EPHA10: variants seen among roughly 807,000 people sequenced by gnomAD.
The protein encoded by EPHA10 is EPH receptor A10, also known as ephrin type-A receptor 10.
EPHA10 carries 120 observed loss-of-function variants against 109.7 expected under a neutral mutation model. The ratio of observed to expected loss-of-function variants is 1.09; its 90% CI spans 0.94 to 1.27. The LOEUF (loss-of-function observed/expected upper bound fraction) is 1.27, where lower values mean the gene tolerates loss of function less well. Ranked by LOEUF, EPHA10 falls within the 50% of genes most tolerant of loss-of-function variation. EPHA10 has a pLI of 0.00. For missense variants in EPHA10, 1,396 were observed against 1,411.1 expected (o/e 0.99, Z 0.17); for synonymous variants, 640 against 618.9 (o/e 1.03, Z -0.51).
At position 37,718,814 on chromosome 1, in the gene EPHA10, G is replaced by A; in HGVS notation, c.2759C>T (p.Pro920Leu). The part of the protein sequence containing the change: ...PKCALTTCPR[P>L]PTPLADRAFS... ...GGCACGGTCCGCTAGTGGGGTGGGA[G>A]GCCTGCGGGTCAGAGGAGCTGTGCT... Residue 920 changes from proline to leucine, a missense_variant and splice_region_variant, in exon 16 of 17, where the codon CCT (proline) becomes CTT (leucine). By Grantham distance (98) the Pro-to-Leu change is moderately conservative. Coordinates refer to ENST00000373048, the MANE Select transcript of EPHA10 (RefSeq NM_001099439.2). 1 of 1,609,888 alleles carries A rather than the reference G, an allele frequency of 6.2e-7. No homozygotes were observed. Among genetic ancestry groups the A allele is most frequent in the African/African-American group, 1.3e-5 (1 of 75,024 alleles).
chr1:37,718,653 G>A lies in EPHA10; in HGVS notation c.2912+8C>T, dbSNP rs753016640. ...GCCCCGGCCTTGACCTTGGTGCCTT[G>A]GACTCACTGGGCAGTCATCTCGGCC... On this transcript the variant is annotated splice_region_variant and intron_variant, in intron 16 of 16. Transcript: ENST00000373048. 2 of 1,613,158 alleles carry A rather than the reference G, an allele frequency of 1.2e-6. No individual in the cohort carries two copies. Among genetic ancestry groups the A allele is most frequent in the African/African-American group, 1.3e-5 (1 of 75,074 alleles).
chr1:37,728,281 G>A (rs1227029946), intron 7 of EPHA10, among the ~76,000 whole-genome samples: 1 of 152,156 alleles, frequency 6.6e-6, no homozygotes, highest in Non-Finnish European at 1.5e-5. Flanking sequence ...AACCTGGAGG[G>A]CCTTGAACGC....
chr1:37,723,482 C>T, intron 8 of EPHA10, 110 bp from the exon 9 acceptor site: 1 of 1,237,244 alleles, frequency 8.1e-7, no homozygotes, highest in Non-Finnish European at 1.1e-6. Context: ...GGCCTGTGCC[C>T]TGGGGGAGGG....
rs1557556342 is a variant in EPHA10, at chr1:37,752,976, C to A, written c.1257G>T (p.Ala419=). 5.6e-6 allele frequency: 7 copies of A among 1,257,196 alleles called. No individual in the cohort carries two copies. The highest frequency in any genetic ancestry group is 4.2e-5 in the Admixed American group (1 of 23,868). The allele number at this position is 1,257,196 out of a possible 1,614,324, so 77.9% of individuals were successfully genotyped here. ...AATLLHLRPG[A]RYTVRVAALN... ...GCGCGGCCACGCGCACGGTGTAGCG[C>A]GCGCCGGGCCGCAGGTGCAGCAGCG... Residue 419 remains alanine (A), a synonymous_variant, in exon 5 of 17, where the codon GCG becomes GCT. Transcript: ENST00000373048.
intron 6 of EPHA10, among the ~76,000 whole-genome samples, chr1:37,734,410 T>C (rs1250447445): frequency 6.6e-6 from 1 of 152,094 alleles, no homozygotes; most frequent in African/African-American, 2.4e-5. Context: ...TGTGCATGCC[T>C]GTAATCCCAG....
Position 37,752,993 on chromosome 1 carries a change from G to T in EPHA10, c.1240C>A (p.His414Asn). 1.6e-6 allele frequency: 2 copies of T among 1,237,794 alleles called. No individual in the cohort carries two copies. The highest frequency in any genetic ancestry group is 8.5e-5 in the Admixed American group (2 of 23,618). 76.7% of individuals were successfully genotyped at this position (1,237,794 alleles called of 1,614,324 possible). The stretch of plus-strand genomic sequence containing the variant: ...GTGTAGCGCGCGCCGGGCCGCAGGT[G>T]CAGCAGCGTGGCGGCTCGCTCCCGC... ...GLRERAATLL[H>N]LRPGARYTVR... The change falls in exon 5 of 17, where the codon CAC becomes AAC. Residue 414 changes from histidine (H) to asparagine (N), a missense_variant. Coordinates refer to ENST00000373048, the MANE Select transcript of EPHA10 (RefSeq NM_001099439.2).
At chr1:37,714,721 T>C (rs1424678385), downstream of EPHA10, 1 of 152,122 alleles carries the variant, frequency 6.6e-6, no homozygotes, top group Non-Finnish European at 1.5e-5. Flanking sequence ...AAGGGGAAAT[T>C]TGGACTTACA....
At chr1:37,755,095 C>T (rs553844425) in intron 3 of EPHA10, among the ~76,000 whole-genome samples, 9 of 152,272 alleles carry the variant, frequency 5.9e-5, no homozygotes, top group South Asian at 2.1e-4. Flanking sequence ...CCACTGTGCC[C>T]GACCCTTTAT....
At chr1:37,723,536 G>A (rs114493122) in intron 8 of EPHA10, among the ~76,000 whole-genome samples, 164 bp from the exon 9 acceptor site, 8 of 152,242 alleles carry the variant, frequency 5.3e-5, no homozygotes, top group East Asian at 1.9e-4. Flanking sequence ...GTGGTTTGAC[G>A]ACCTCCCCAT....
At position 37,747,565 on chromosome 1, in the gene EPHA10, A is replaced by AAG. The variant is rs1385301149; in HGVS notation, c.1357+5310_1357+5311insCT. Among the ~76,000 whole-genome samples, 3 of 151,404 alleles carry AAG rather than the reference A, an allele frequency of 2.0e-5. No homozygotes were observed. The Admixed American group carries it at 2.0e-4, about 10-fold the overall frequency. ...GTGAAACTGTCTCAAAAAAAAAAAA[A>AAG]AAAAACTTCAGGAAAGCAGGAGAGT... is the stretch of plus-strand genomic sequence containing the variant. On this transcript the variant is annotated intron_variant, in intron 5 of 16. Transcript: ENST00000373048.
intron 3 of EPHA10, among the ~76,000 whole-genome samples, chr1:37,758,514 A>G (rs541367231): frequency 6.6e-6 from 1 of 152,100 alleles, no homozygotes; most frequent in Non-Finnish European, 1.5e-5. Context: ...GCACTTTCTA[A>G]CCCTTGACTT....
rs557148709 is a variant in EPHA10 at position 37,716,047 on chromosome 1, T to G, written c.*2325A>C. 1.9e-4 allele frequency: 108 copies of G among 553,876 alleles called. 3 individuals carry two copies. The highest frequency in any genetic ancestry group is 1.7e-3 in the South Asian group (108 of 62,850). The allele number at this position is 553,876 out of a possible 1,614,324, so 34.3% of individuals were successfully genotyped here. On this transcript the variant is annotated 3_prime_UTR_variant, in exon 17 of 17. Coordinates refer to ENST00000373048, the MANE Select transcript of EPHA10 (RefSeq NM_001099439.2). Reference sequence around the variant, plus strand: ...AAAAACATCTCCAGAAGGAACCCCCTCCGACTGGCCCCCTCCCTCCCAGGG... The same window carrying G: ...AAAAACATCTCCAGAAGGAACCCCCGCCGACTGGCCCCCTCCCTCCCAGGG...
chr1:37,742,349 C>T (rs1569718908), intron 5 of EPHA10, among the ~76,000 whole-genome samples: 1 of 152,218 alleles, frequency 6.6e-6, no homozygotes. Flanking sequence ...CATTTGTGTG[C>T]ACTCATTCCC....
rs905674412 is a variant in EPHA10 at position 37,716,417 on chromosome 1, G to C, written c.*1955C>G. ...GGATGCTGGTCCAGGCTTCCCAGGA[G>C]GGGTGGGGAAGGCGGATCCTGGAGG... On this transcript the variant is annotated 3_prime_UTR_variant, in exon 17 of 17. Coordinates refer to ENST00000373048, the MANE Select transcript of EPHA10 (RefSeq NM_001099439.2). The C allele has an allele frequency of 4.3e-6, 1 of 234,600 alleles. No homozygotes were observed. Among genetic ancestry groups the C allele is most frequent in the Non-Finnish European group, 8.4e-6 (1 of 119,172 alleles). 14.5% of individuals were successfully genotyped at this position (234,600 alleles called of 1,614,324 possible). A position where few individuals can be genotyped will look rare whatever the true frequency, so the allele number is the denominator to read the frequency against.
chr1:37,728,498 C>T (rs183416969), intron 7 of EPHA10, among the ~76,000 whole-genome samples: 1 of 152,278 alleles, frequency 6.6e-6, no homozygotes, highest in African/African-American at 2.4e-5. Flanking sequence ...TTGGAAAGTA[C>T]ACCTCTTTAG....
At chr1:37,749,721 A>G (rs532430157) in intron 5 of EPHA10, among the ~76,000 whole-genome samples, 1 of 152,272 alleles carries the variant, frequency 6.6e-6, no homozygotes, top group Non-Finnish European at 1.5e-5. Flanking sequence ...AAAAGTTAGT[A>G]TTACATATAC....
At chr1:37,732,352 A>C (rs1645997812) in intron 6 of EPHA10, among the ~76,000 whole-genome samples, 1 of 151,758 alleles carries the variant, frequency 6.6e-6, no homozygotes, top group Admixed American at 6.6e-5. Context: ...GCTCCACCCC[A>C]ACACACCTGA....
chr1:37,737,107 T>C (rs1646082821), intron 5 of EPHA10, among the ~76,000 whole-genome samples: 1 of 152,078 alleles, frequency 6.6e-6, no homozygotes, highest in African/African-American at 2.4e-5. Context: ...CTAAAATTCA[T>C]ATGGAATCTA....
In EPHA10 at chr1:37,721,808, G is replaced by C. The variant is rs762863988; in HGVS notation, c.1998C>G (p.Leu666=). 6.2e-7 allele frequency: 1 copy of C among 1,608,266 alleles called. No individual in the cohort carries two copies. The highest frequency in any genetic ancestry group is 1.1e-5 in the South Asian group (1 of 90,620). Residue 666 remains leucine, a synonymous_variant, in exon 11 of 17, where the codon CTC becomes CTG. Transcript: ENST00000373048. The part of the protein sequence containing the change: ...FGELCCGCLQ[L]PGRQELLVAV... The stretch of plus-strand genomic sequence containing the variant: ...CTACGAGCAGCTCCTGGCGACCGGG[G>C]AGCTGCAAGCAGCCACAGCACAGCT...
Sources: gnomAD v4.1 joint callset for allele counts (sites outside exome capture counted in the v4.1 genomes callset) on GRCh38, gnomAD v4.1.1 for gene constraint, MANE v1.5 for transcripts, NCBI Gene and HGNC (gene_info 2026-07-23, HGNC 2026-07-21) for gene names.